RANBP2: variants seen among roughly 807,000 people sequenced by gnomAD.
RANBP2 encodes the protein E3 SUMO-protein ligase RanBP2.
RANBP2 carries 57 observed loss-of-function variants against 303.6 expected under a neutral mutation model. The observed-to-expected ratio is 0.19, with a 90% CI of 0.15 to 0.23. RANBP2 has a LOEUF of 0.23. Ranked by LOEUF, RANBP2 falls within the 10% of genes least tolerant of loss-of-function variation. RANBP2 has a pLI of 1.00. For synonymous variants in RANBP2, 1,167 were observed against 1,301.5 expected, an observed-to-expected ratio of 0.90 and a Z score of 2.23; for missense variants, 3,138 against 3,780.8, an observed-to-expected ratio of 0.83 and a Z score of 4.46.
the RANBP2 span, among the ~76,000 whole-genome samples, chr2:109,192,561 CAT>C: frequency 1.8e-3 from 279 of 152,202 alleles, no homozygotes; most frequent in African/African-American, 5.8e-3. Context: ...GCGTGGTCCT[CAT>C]GTGGAATTTC....
the RANBP2 span, among the ~76,000 whole-genome samples, chr2:109,722,002 A>C: frequency 6.6e-6 from 1 of 152,230 alleles, no homozygotes; most frequent in Non-Finnish European, 1.5e-5. Context: ...GAACACAAGG[A>C]AGTCCTATTT....
At chr2:109,195,284 C>T in the RANBP2 span, among the ~76,000 whole-genome samples, 2 of 152,128 alleles carry the variant, frequency 1.3e-5, no homozygotes, top group Non-Finnish European at 2.9e-5. Context: ...CAGGAGGGTC[C>T]CATAGCTAGG....
At chr2:109,735,267 T>A in the RANBP2 span, among the ~76,000 whole-genome samples, 1 of 152,372 alleles carries the variant, frequency 6.6e-6, no homozygotes, top group Non-Finnish European at 1.5e-5. Flanking sequence ...GGTATTTATC[T>A]TTCTGTGCCT....
the RANBP2 span, chr2:108,923,432 T>G: frequency 6.2e-7 from 1 of 1,614,104 alleles, no homozygotes; most frequent in Non-Finnish European, 8.5e-7. Flanking sequence ...TGTTCCTCGG[T>G]CTGTTCTCCA....
chr2:108,877,780 G>C, the RANBP2 span, among the ~76,000 whole-genome samples: 1 of 152,188 alleles, frequency 6.6e-6, no homozygotes, highest in African/African-American at 2.4e-5. Context: ...GATTGAAAGG[G>C]CTCATCATGT....
chr2:109,151,512 T>C, the RANBP2 span, among the ~76,000 whole-genome samples: 2 of 152,362 alleles, frequency 1.3e-5, no homozygotes, highest in South Asian at 4.1e-4. Context: ...TAAAAAGAAA[T>C]TGGTGAAATT....
the RANBP2 span, among the ~76,000 whole-genome samples, chr2:109,149,023 T>G: frequency 6.6e-6 from 1 of 152,202 alleles, no homozygotes; most frequent in Non-Finnish European, 1.5e-5. Context: ...CAGATCCCCC[T>G]TTCTCTTCTC....
the RANBP2 span, among the ~76,000 whole-genome samples, chr2:109,270,447 A>G: frequency 1.3e-5 from 2 of 152,042 alleles, no homozygotes; most frequent in African/African-American, 4.8e-5. Context: ...GGAAGGAAAC[A>G]TTTCTTCTTG....
At chr2:108,881,147 G>GT in the RANBP2 span, among the ~76,000 whole-genome samples, 1 of 152,220 alleles carries the variant, frequency 6.6e-6, no homozygotes, top group Non-Finnish European at 1.5e-5. Flanking sequence ...TTGAAAATCT[G>GT]TTGTGTAGTG....
the RANBP2 span, among the ~76,000 whole-genome samples, chr2:109,288,200 T>C: frequency 6.6e-6 from 1 of 152,316 alleles, no homozygotes; most frequent in South Asian, 2.1e-4. Context: ...CCATTCAGAA[T>C]AGGTGCAAGG....
the RANBP2 span, chr2:109,614,403 C>T: frequency 4.5e-4 from 458 of 1,028,650 alleles, 1 homozygote; most frequent in South Asian, 1.3e-3. Context: ...CGCCAGACTC[C>T]GCCGCCGTCG....
chr2:109,526,470 C>A, the RANBP2 span, among the ~76,000 whole-genome samples: 9,814 of 152,154 alleles, frequency 0.065, 749 homozygotes, highest in East Asian at 0.24. Flanking sequence ...TGCCACCATG[C>A]CTTATTTATT....
At chr2:108,880,096 A>G in the RANBP2 span, among the ~76,000 whole-genome samples, 45 of 152,286 alleles carry the variant, frequency 3.0e-4, 1 homozygote, top group African/African-American at 9.9e-4. Flanking sequence ...TTTAAAAAAC[A>G]GAAATCAATG....
At chr2:109,767,106 A>G in the RANBP2 span, among the ~76,000 whole-genome samples, 4 of 143,710 alleles carry the variant, frequency 2.8e-5, no homozygotes, top group Non-Finnish European at 6.0e-5. Flanking sequence ...CCTACCTCAT[A>G]AGGTTGTGAC....
the RANBP2 span, among the ~76,000 whole-genome samples, chr2:109,199,607 T>TCAACCCGACTGCAGG: frequency 7.2e-3 from 2 of 276 alleles, no homozygotes; most frequent in African/African-American, 0.012. Context: ...TGGAATGGAA[T>TCAACCCGACTGCAGG]GGAATGGAAT....
the RANBP2 span, among the ~76,000 whole-genome samples, chr2:108,979,913 G>A: frequency 6.6e-6 from 1 of 152,242 alleles, no homozygotes; most frequent in Non-Finnish European, 1.5e-5. Context: ...TGGGCGGTGG[G>A]AAGCAGGGTG....
chr2:109,401,421 C>G, the RANBP2 span, among the ~76,000 whole-genome samples: 1 of 152,222 alleles, frequency 6.6e-6, no homozygotes. Context: ...GCCACTCTCA[C>G]TGTAGTCAGG....
the RANBP2 span, among the ~76,000 whole-genome samples, chr2:109,434,453 C>G: frequency 4.8e-4 from 73 of 152,338 alleles, no homozygotes; most frequent in African/African-American, 1.6e-3. Context: ...AGCTTCCTTG[C>G]GTAGCATTGG....
chr2:109,663,610 T>A, the RANBP2 span, among the ~76,000 whole-genome samples: 1 of 152,170 alleles, frequency 6.6e-6, no homozygotes. Context: ...ACAGAGCTCA[T>A]GGCAATGCTG....
Sources: allele counts gnomAD v4.1 joint callset (sites outside exome capture counted in the v4.1 genomes callset), GRCh38; gene constraint gnomAD v4.1.1; transcripts MANE v1.5; gene names NCBI Gene and HGNC (gene_info 2026-07-23, HGNC 2026-07-21).